The following DENND5B variants were observed in gnomAD, a reference collection of about 807,000 sequenced individuals.
DENND5B encodes the protein DENN domain-containing protein 5B.
In DENND5B, 34 loss-of-function variants were observed where a neutral mutation model predicts 140.6. The observed-to-expected ratio is 0.24, with a 90% CI of 0.18 to 0.32. The LOEUF is 0.32. DENND5B is among the 10% of genes least tolerant of loss of function. The probability of loss-of-function intolerance (pLI) is 1.00; values close to 1 mark genes in which losing one functional copy is unlikely to be tolerated. For synonymous variants in DENND5B, 551 were observed against 562.1 expected (o/e 0.98, Z 0.28); for missense variants, 1,142 against 1,560.2 (o/e 0.73, Z 4.52).
rs1277314443 is a variant in DENND5B at position 31,450,375 on chromosome 12, T to C, written c.1629+1565A>G. On this transcript the variant is annotated intron_variant, in intron 5 of 20. Transcript: ENST00000389082. Reference sequence around the variant, plus strand: ...AAGTAAAAAAATTATCTTTTGTTTTTTTGAGACAGGGTCTCACTCGCTAGC... The same window carrying C: ...AAGTAAAAAAATTATCTTTTGTTTTCTTGAGACAGGGTCTCACTCGCTAGC... 2.0e-5 allele frequency among the ~76,000 whole-genome samples: 3 copies of C among 152,226 alleles called. No individual in the cohort carries two copies. The East Asian group carries it at 5.8e-4, about 29-fold the overall frequency.
chr12:31,589,953 G>A (rs1056680531), intron 1 of DENND5B: 20 of 152,550 alleles, frequency 1.3e-4, no homozygotes, highest in African/African-American at 4.8e-4. Flanking sequence ...TCAAGCGGAA[G>A]GACCGGTACC....
chr12:31,517,401 G>GT (rs750531872), intron 1 of DENND5B, among the ~76,000 whole-genome samples: 101 of 152,332 alleles, frequency 6.6e-4, no homozygotes, highest in Admixed American at 2.6e-3. Context: ...CCCTAATTCT[G>GT]TATTGGCTGT....
intron 17 of DENND5B, among the ~76,000 whole-genome samples, chr12:31,396,058 T>TTTTG: frequency 3.9e-5 from 1 of 25,720 alleles, no homozygotes; most frequent in Non-Finnish European, 6.6e-5. Context: ...CATTCCTTGT[T>TTTTG]TTTTTTTTTT....
intron 13 of DENND5B, among the ~76,000 whole-genome samples, chr12:31,409,603 T>A (rs1344113259): frequency 2.0e-5 from 3 of 151,214 alleles, no homozygotes; most frequent in Admixed American, 2.0e-4. Flanking sequence ...CTCAGCCTCA[T>A]GAGTAGCTGG....
intron 3 of DENND5B, among the ~76,000 whole-genome samples, chr12:31,472,422 G>A (rs1205743156): frequency 6.6e-6 from 1 of 152,110 alleles, no homozygotes; most frequent in Non-Finnish European, 1.5e-5. Context: ...CTCCCAAGTA[G>A]CTGGGATTAC....
chr12:31,554,012 T>C (rs1024331425), intron 1 of DENND5B, among the ~76,000 whole-genome samples: 1 of 152,220 alleles, frequency 6.6e-6, no homozygotes, highest in African/African-American at 2.4e-5. Context: ...CTTGACTCTT[T>C]ATCCAATTTG....
intron 20 of DENND5B, among the ~76,000 whole-genome samples, chr12:31,388,820 T>C (rs1940979946): frequency 6.6e-6 from 1 of 152,174 alleles, no homozygotes; most frequent in Non-Finnish European, 1.5e-5. Context: ...AATGTAAATA[T>C]AGTGGTATAT....
chr12:31,423,010 G>A (rs1036904979), intron 11 of DENND5B, among the ~76,000 whole-genome samples: 8 of 149,202 alleles, frequency 5.4e-5, no homozygotes, highest in African/African-American at 7.4e-5. Context: ...GCGCCTTCTC[G>A]GCTCACTGCA....
At chr12:31,428,670 T>C (rs1257503394) in intron 8 of DENND5B, among the ~76,000 whole-genome samples, 1 of 151,282 alleles carries the variant, frequency 6.6e-6, no homozygotes. Context: ...CAGGTTCAAG[T>C]GATTTTCCTG....
At chr12:31,500,996 A>T (rs1426639427) in intron 1 of DENND5B, among the ~76,000 whole-genome samples, 1 of 152,190 alleles carries the variant, frequency 6.6e-6, no homozygotes, top group African/African-American at 2.4e-5. Context: ...AACAAAAACA[A>T]TGAAAGTCTG....
At chr12:31,395,524 C>T (rs1477015840) in intron 17 of DENND5B, among the ~76,000 whole-genome samples, 1 of 152,038 alleles carries the variant, frequency 6.6e-6, no homozygotes, top group Non-Finnish European at 1.5e-5. Flanking sequence ...ACCTGGGAAG[C>T]GGAGGTTGCA....
intron 1 of DENND5B, chr12:31,499,701 T>A (rs1046044565): frequency 9.1e-6 from 13 of 1,423,228 alleles, no homozygotes; most frequent in Middle Eastern, 1.9e-4. Context: ...CAAAAAAGCT[T>A]TATGAACAAA....
Position 31,385,217 on chromosome 12 carries a change from T to C in DENND5B, c.*2386A>G, listed in dbSNP as rs1485320631. 6.6e-6 allele frequency: 1 copy of C among 152,188 alleles called. No individual in the cohort carries two copies. Among genetic ancestry groups the C allele is most frequent in the African/African-American group, 2.4e-5 (1 of 41,462 alleles). The allele number at this position is 152,188 out of a possible 1,614,324, so 9.4% of individuals were successfully genotyped here. On this transcript the variant is annotated 3_prime_UTR_variant, in exon 21 of 21. Transcript: ENST00000389082. ...GATGAATAAAGATCCAATAGTATAA[T>C]AGAAAGACTATTAGTAAGAATGCCG...
chr12:31,584,718 T>C (rs1184581446), intron 1 of DENND5B, among the ~76,000 whole-genome samples: 2 of 151,954 alleles, frequency 1.3e-5, no homozygotes, highest in African/African-American at 4.8e-5. Context: ...TCTCAGCTAC[T>C]AGGGAGACTG....
chr12:31,575,368 G>A (rs180865860), intron 1 of DENND5B, among the ~76,000 whole-genome samples: 2 of 152,242 alleles, frequency 1.3e-5, no homozygotes, highest in South Asian at 2.1e-4. Context: ...GCTGATTCTT[G>A]TAACAAAGGA....
At chr12:31,560,501 C>T (rs1410269976) in intron 1 of DENND5B, among the ~76,000 whole-genome samples, 1 of 152,192 alleles carries the variant, frequency 6.6e-6, no homozygotes, top group African/African-American at 2.4e-5. Context: ...CTGCAGGCTT[C>T]CCAACAGATC....
At chr12:31,404,759 CT>C (rs71062425) in intron 14 of DENND5B, among the ~76,000 whole-genome samples, 2 of 74,070 alleles carry the variant, frequency 2.7e-5, no homozygotes, top group African/African-American at 1.0e-4. Context: ...CGACCTCTAG[CT>C]TTTTTTTTTT....
At chr12:31,505,239 C>CTTT (rs200931111) in intron 1 of DENND5B, among the ~76,000 whole-genome samples, 1 of 129,128 alleles carries the variant, frequency 7.7e-6, no homozygotes, top group African/African-American at 2.9e-5. Context: ...CAGAATTTGC[C>CTTT]TTTTTTTTTT....
intron 17 of DENND5B, among the ~76,000 whole-genome samples, 191 bp downstream of exon 17, chr12:31,397,984 G>A (rs1207888777): frequency 1.3e-5 from 2 of 152,032 alleles, no homozygotes; most frequent in Admixed American, 6.6e-5. Flanking sequence ...TAAAAACAGA[G>A]CATGCAAGTT....
Sources: gnomAD v4.1 joint callset for allele counts (sites outside exome capture counted in the v4.1 genomes callset) on GRCh38, gnomAD v4.1.1 for gene constraint, MANE v1.5 for transcripts, NCBI Gene and HGNC (gene_info 2026-07-23, HGNC 2026-07-21) for gene names.